Variants in PACRG observed in about 807,000 individuals in gnomAD.
The protein encoded by PACRG is parkin coregulated.
In PACRG, 29 loss-of-function variants were observed where a neutral mutation model predicts 29.7. The ratio of observed to expected loss-of-function variants is 0.98; its 90% confidence interval spans 0.73 to 1.33. The LOEUF is 1.33. Among genes scored for constraint, PACRG ranks in the 40% most tolerant of loss-of-function variants. The pLI is 0.00. For synonymous variants in PACRG, 116 were observed against 118.7 expected, an observed-to-expected ratio of 0.98 and a Z score of 0.15; for missense variants, 279 against 316.2, an observed-to-expected ratio of 0.88 and a Z score of 0.89.
intron 3 of PACRG, among the ~76,000 whole-genome samples, chr6:163,073,873 TATA>T (rs1174088285): frequency 6.6e-6 from 1 of 152,150 alleles, no homozygotes; most frequent in Non-Finnish European, 1.5e-5. Context: ...AAATCAAAAC[TATA>T]ATGAGATATC....
chr6:163,073,241 G>A (rs1812238193), intron 3 of PACRG, among the ~76,000 whole-genome samples: 1 of 152,052 alleles, frequency 6.6e-6, no homozygotes, highest in African/African-American at 2.4e-5. Context: ...GCACAGACCA[G>A]TGGAACAGCA....
intron 2 of PACRG, among the ~76,000 whole-genome samples, chr6:162,820,830 G>C (rs1787779531): frequency 6.6e-6 from 1 of 152,002 alleles, no homozygotes; most frequent in Non-Finnish European, 1.5e-5. Flanking sequence ...TGGATAATAG[G>C]ACTTAGTAGA....
chr6:162,837,844 T>C (rs1789368340), intron 2 of PACRG, among the ~76,000 whole-genome samples: 1 of 152,116 alleles, frequency 6.6e-6, no homozygotes, highest in African/African-American at 2.4e-5. Flanking sequence ...GGAAACAGGA[T>C]TAATGACTTG....
At chr6:162,742,442 T>C (rs887482259) in intron 1 of PACRG, among the ~76,000 whole-genome samples, 11 of 152,324 alleles carry the variant, frequency 7.2e-5, no homozygotes, top group South Asian at 6.2e-4. Flanking sequence ...TTTTTCTTTA[T>C]AAATTACCCA....
At chr6:163,071,615 G>A (rs1437643938) in intron 3 of PACRG, among the ~76,000 whole-genome samples, 1 of 150,284 alleles carries the variant, frequency 6.7e-6, no homozygotes, top group Non-Finnish European at 1.5e-5. Flanking sequence ...ACCTAACAAT[G>A]CATCTTAAAG....
intron 3 of PACRG, among the ~76,000 whole-genome samples, chr6:163,066,253 G>A (rs1280935545): frequency 6.6e-6 from 1 of 152,160 alleles, no homozygotes; most frequent in East Asian, 1.9e-4. Flanking sequence ...GTAAATTCCA[G>A]ACAACAGAGC....
intron 2 of PACRG, among the ~76,000 whole-genome samples, chr6:162,831,212 C>G (rs977581835): frequency 6.6e-6 from 1 of 152,224 alleles, no homozygotes; most frequent in South Asian, 2.1e-4. Flanking sequence ...GCCTTCAAAG[C>G]CAACGCATAC....
intron 2 of PACRG, among the ~76,000 whole-genome samples, chr6:162,963,210 G>T (rs796176925): frequency 2.2e-4 from 33 of 152,228 alleles, no homozygotes; most frequent in African/African-American, 7.5e-4. Context: ...AAGTATAAAA[G>T]ATTTCCTTTG....
At chr6:163,139,540 G>C (rs1817071242) in intron 4 of PACRG, among the ~76,000 whole-genome samples, 1 of 152,110 alleles carries the variant, frequency 6.6e-6, no homozygotes, top group Admixed American at 6.5e-5. Flanking sequence ...CTGAGGCTCA[G>C]AGGAGACAGT....
intron 4 of PACRG, among the ~76,000 whole-genome samples, chr6:163,127,036 C>T (rs975934737): frequency 2.6e-5 from 4 of 152,230 alleles, no homozygotes; most frequent in African/African-American, 4.8e-5. Flanking sequence ...CAATTACACA[C>T]GTACAACTCT....
intron 4 of PACRG, among the ~76,000 whole-genome samples, chr6:163,276,008 C>CTTCCTTCCTTCTTTCTTTCT (rs1554239015): frequency 6.4e-5 from 9 of 140,684 alleles, no homozygotes; most frequent in African/African-American, 2.3e-4. Flanking sequence ...TCCTTCCTTC[C>CTTCCTTCCTTCTTTCTTTCT]TTCTTTCTTT....
At chr6:162,804,037 CAACATCGA>C (rs1786106192) in intron 1 of PACRG, among the ~76,000 whole-genome samples, 1 of 151,852 alleles carries the variant, frequency 6.6e-6, no homozygotes, top group Non-Finnish European at 1.5e-5. Context: ...ATAGAAATGG[CAACATCGA>C]AACATATTAA....
intron 1 of PACRG, among the ~76,000 whole-genome samples, chr6:162,753,536 A>G (rs1328860412): frequency 6.6e-6 from 1 of 152,122 alleles, no homozygotes; most frequent in Non-Finnish European, 1.5e-5. Flanking sequence ...TGTCTTGACT[A>G]TTGTGAATGA....
At chr6:162,778,439 C>T (rs13199922) in intron 1 of PACRG, among the ~76,000 whole-genome samples, 13,593 of 152,032 alleles carry the variant, frequency 0.089, 923 homozygotes, top group South Asian at 0.23. Context: ...GCACATATAA[C>T]CTGTCAGGGG....
chr6:163,079,890 CTTTTTTT>C (rs67162530), intron 3 of PACRG, among the ~76,000 whole-genome samples: 7 of 78,694 alleles, frequency 8.9e-5, no homozygotes, highest in African/African-American at 3.8e-4. Context: ...AGCAGTCATT[CTTTTTTT>C]TTTTTTTTTT....
chr6:163,025,611 G>T (rs562141846), intron 2 of PACRG, among the ~76,000 whole-genome samples: 1 of 152,356 alleles, frequency 6.6e-6, no homozygotes, highest in Non-Finnish European at 1.5e-5. Context: ...AGAGGAAAAT[G>T]CAGAAGGAGA....
chr6:163,206,235 C>A (rs966271096), intron 4 of PACRG, among the ~76,000 whole-genome samples: 1 of 152,134 alleles, frequency 6.6e-6, no homozygotes, highest in African/African-American at 2.4e-5. Context: ...TAATATAAAT[C>A]ATTTTACCAT....
chr6:163,210,142 A>G (rs1242738498), intron 4 of PACRG, among the ~76,000 whole-genome samples: 1 of 152,252 alleles, frequency 6.6e-6, no homozygotes, highest in East Asian at 1.9e-4. Context: ...TAAAGATTAC[A>G]GAGCAGTCAG....
chr6:163,128,754 T>A (rs1427024519), intron 4 of PACRG, among the ~76,000 whole-genome samples: 1 of 152,172 alleles, frequency 6.6e-6, no homozygotes, highest in African/African-American at 2.4e-5. Flanking sequence ...CACCCAAAAT[T>A]GATAGCTAAT....
Sources: allele counts gnomAD v4.1 joint callset (sites outside exome capture counted in the v4.1 genomes callset), GRCh38; gene constraint gnomAD v4.1.1; transcripts MANE v1.5; gene names NCBI Gene and HGNC (gene_info 2026-07-23, HGNC 2026-07-21).